The following RBFOX1 variants were observed in gnomAD, a reference collection of about 807,000 sequenced individuals.
The protein encoded by RBFOX1 is RNA binding protein fox-1 homolog 1.
In RBFOX1, 8 loss-of-function variants were observed where a neutral mutation model predicts 57.7. The ratio of observed to expected loss-of-function variants is 0.14; its 90% CI spans 0.08 to 0.25. The LOEUF is 0.25. RBFOX1 is among the 10% of genes least tolerant of loss of function. The pLI, the probability that RBFOX1 is intolerant of heterozygous loss-of-function variation, is 1.00. For missense variants in RBFOX1, 611 were observed against 548.5 expected, an observed-to-expected ratio of 1.11 and a Z score of -1.14; for synonymous variants, 326 against 222.4, an observed-to-expected ratio of 1.47 and a Z score of -4.15.
At chr16:7,605,827 C>A (rs1261925473) in intron 9 of RBFOX1, among the ~76,000 whole-genome samples, 2 of 152,174 alleles carry the variant, frequency 1.3e-5, no homozygotes, top group African/African-American at 4.8e-5. Flanking sequence ...CCTTACCCTC[C>A]TCTGTCTTTC....
chr16:5,591,438 A>G (rs1014644471), intron 2 of RBFOX1, among the ~76,000 whole-genome samples: 9 of 152,168 alleles, frequency 5.9e-5, no homozygotes, highest in African/African-American at 1.7e-4. Context: ...TTTAGTAGAG[A>G]TGGGGTTTCA....
chr16:5,326,247 G>A (rs2064566992), intron 1 of RBFOX1, among the ~76,000 whole-genome samples: 2 of 152,158 alleles, frequency 1.3e-5, no homozygotes, highest in South Asian at 4.1e-4. Context: ...TAAATTCAGA[G>A]AGCCAATGTG....
chr16:6,365,927 C>G (rs1216305959), intron 2 of RBFOX1, among the ~76,000 whole-genome samples: 5 of 152,150 alleles, frequency 3.3e-5, no homozygotes, highest in Middle Eastern at 3.4e-3. Flanking sequence ...GCTACTACTT[C>G]AACTGCTGCT....
chr16:7,277,565 C>T (rs564469712), intron 4 of RBFOX1, among the ~76,000 whole-genome samples: 3 of 152,104 alleles, frequency 2.0e-5, no homozygotes, highest in Admixed American at 6.6e-5. Flanking sequence ...ACTAGATGTT[C>T]TGATAATCTA....
intron 2 of RBFOX1, among the ~76,000 whole-genome samples, chr16:6,473,053 C>G (rs947398858): frequency 1.3e-5 from 2 of 152,128 alleles, no homozygotes; most frequent in South Asian, 4.1e-4. Flanking sequence ...GAGGAACACC[C>G]ATGATTACCT....
chr16:6,758,672 A>G (rs2076169025), intron 3 of RBFOX1, among the ~76,000 whole-genome samples: 1 of 152,214 alleles, frequency 6.6e-6, no homozygotes, highest in South Asian at 2.1e-4. Context: ...AGCAAGACAC[A>G]CCACCAATTT....
intron 3 of RBFOX1, among the ~76,000 whole-genome samples, chr16:6,842,144 A>G (rs531612720): frequency 1.4e-5 from 2 of 141,822 alleles, no homozygotes; most frequent in African/African-American, 5.4e-5. Flanking sequence ...CTGTCTCAGA[A>G]AAAAAAATAA....
chr16:5,711,602 G>T (rs905092970), intron 3 of RBFOX1, among the ~76,000 whole-genome samples: 1 of 152,204 alleles, frequency 6.6e-6, no homozygotes, highest in Non-Finnish European at 1.5e-5. Context: ...GAGCCTGGAA[G>T]ATGTCCTGGG....
chr16:6,771,733 G>A (rs965806650), intron 3 of RBFOX1, among the ~76,000 whole-genome samples: 12 of 152,158 alleles, frequency 7.9e-5, no homozygotes, highest in Non-Finnish European at 1.5e-4. Context: ...GCGGGTGGAG[G>A]CCAGGGATGC....
At chr16:7,419,607 G>T (rs1402693848) in intron 4 of RBFOX1, among the ~76,000 whole-genome samples, 1 of 152,182 alleles carries the variant, frequency 6.6e-6, no homozygotes, top group African/African-American at 2.4e-5. Context: ...TGATAACAGG[G>T]CCCCCTGCCC....
rs187079020 is a variant in RBFOX1, at chr16:6,764,472, T to A, written c.-16+109822T>A. ...CACAACTCTTTGTCTTCTCTCCACC[T>A]GTCTCTGTCCATTCATTCATCCCAC... is the stretch of plus-strand genomic sequence containing the variant. On this transcript the variant is annotated intron_variant, in intron 3 of 15. Transcript: ENST00000550418. Among the ~76,000 whole-genome samples the A allele has an allele frequency of 1.9e-3, 290 of 152,332 alleles. 2 individuals are homozygous for A. Among genetic ancestry groups the A allele is most frequent in the African/African-American group, 6.7e-3 (279 of 41,576 alleles).
chr16:5,269,874 GC>G (rs1567259326), intron 1 of RBFOX1, among the ~76,000 whole-genome samples: 2 of 152,164 alleles, frequency 1.3e-5, no homozygotes, highest in African/African-American at 2.4e-5. Context: ...TAGATTCCAG[GC>G]TGGGCATGGT....
chr16:5,667,028 T>G (rs1658153699), intron 3 of RBFOX1, among the ~76,000 whole-genome samples: 1 of 152,182 alleles, frequency 6.6e-6, no homozygotes, highest in African/African-American at 2.4e-5. Context: ...GTCCTCAAAT[T>G]TCATTTGAGG....
At chr16:7,074,956 T>A (rs547332164) in intron 4 of RBFOX1, among the ~76,000 whole-genome samples, 2 of 152,022 alleles carry the variant, frequency 1.3e-5, no homozygotes, top group South Asian at 4.2e-4. Flanking sequence ...TGGGAAGAGG[T>A]AGGGGAGCTC....
At position 5,650,825 on chromosome 16, in the gene RBFOX1, C is replaced by T. The variant is rs561252797; in HGVS notation, c.318+51864C>T. Among the ~76,000 whole-genome samples the T allele has an allele frequency of 7.9e-5, 12 of 152,082 alleles. No homozygotes were observed. The East Asian group carries it at 1.9e-3, about 25-fold the overall frequency. On this transcript the variant is annotated intron_variant, in intron 3 of 19. Transcript: ENST00000641259. Reference sequence around the variant, plus strand: ...ACACAGTCTTTGTCCTTATGGAGGACGGGGCAGCAGGCGACGGGTCATGAA... The same window carrying T: ...ACACAGTCTTTGTCCTTATGGAGGATGGGGCAGCAGGCGACGGGTCATGAA...
chr16:5,972,284 C>T (rs940536106), intron 4 of RBFOX1, among the ~76,000 whole-genome samples: 40 of 152,042 alleles, frequency 2.6e-4, no homozygotes, highest in African/African-American at 9.2e-4. Context: ...TAAGTGGATT[C>T]CTAGAAAAAA....
intron 4 of RBFOX1, among the ~76,000 whole-genome samples, chr16:7,347,788 G>T (rs2097045982): frequency 6.6e-6 from 1 of 152,126 alleles, no homozygotes; most frequent in African/African-American, 2.4e-5. Flanking sequence ...CCATGTATTT[G>T]CAGCCCGTTC....
chr16:5,949,474 C>A (rs112090948), intron 4 of RBFOX1, among the ~76,000 whole-genome samples: 1 of 142,050 alleles, frequency 7.0e-6, no homozygotes, highest in Non-Finnish European at 1.5e-5. Context: ...TGCAGTGAGT[C>A]GAGATCACGC....
chr16:6,737,830 T>C (rs73543667), intron 3 of RBFOX1, among the ~76,000 whole-genome samples: 14,756 of 152,130 alleles, frequency 0.097, 950 homozygotes, highest in African/African-American at 0.17. Flanking sequence ...CTCCTTTTAT[T>C]TGGGACATTG....
Sources: gnomAD v4.1 joint callset for allele counts (sites outside exome capture counted in the v4.1 genomes callset) on GRCh38, gnomAD v4.1.1 for gene constraint, MANE v1.5 for transcripts, NCBI Gene and HGNC (gene_info 2026-07-23, HGNC 2026-07-21) for gene names.